MLF2: variants seen among roughly 807,000 people sequenced by gnomAD.
MLF2 encodes myeloid leukemia factor 2, also known as myelodysplasia-myeloid leukemia factor 2.
MLF2 carries 12 observed loss-of-function variants against 31.4 expected under a neutral mutation model. The observed-to-expected ratio is 0.38, with a 90% CI of 0.24 to 0.62. The LOEUF is 0.62. Among genes scored for constraint, MLF2 ranks in the 20% least tolerant of loss-of-function variants. The pLI is 0.58. For synonymous variants in MLF2, 109 were observed against 118.8 expected, an observed-to-expected ratio of 0.92 and a Z score of 0.54; for missense variants, 272 against 359.7, an observed-to-expected ratio of 0.76 and a Z score of 1.97.
In MLF2 at chr12:6,749,790, G is replaced by A. The variant is rs1160273627; in HGVS notation, c.559+58C>T. On this transcript the variant is annotated intron_variant, in intron 7 of 8. Coordinates refer to ENST00000203630, the MANE Select transcript of MLF2 (RefSeq NM_001382226.1). This position sits in a 1 kb window ranked among gnomAD's most constrained non-coding sequence, Gnocchi z 5.3. ...GCCCCAGAAGTGTCTATGTGTTAGG[G>A]ATGTCCACGGGAACCGGGTTAGGGG... 10 of 1,602,204 alleles carry A rather than the reference G, an allele frequency of 6.2e-6. No individual in the cohort carries two copies. The highest frequency in any genetic ancestry group is 7.7e-6 in the Non-Finnish European group (9 of 1,172,024).
chr12:6,750,660 T>C lies in MLF2; in HGVS notation c.270+53A>G. ...CTCTTGCCTTAGAGGATGCAAGGTG[T>C]TGTCAGCCATCACTGAGAGCAAGGC... is the stretch of plus-strand genomic sequence containing the variant. On this transcript the variant is annotated intron_variant, in intron 5 of 8. Coordinates refer to ENST00000203630, the MANE Select transcript of MLF2 (RefSeq NM_001382226.1). This position sits in a 1 kb window ranked among gnomAD's most constrained non-coding sequence, Gnocchi z 5.3. 6.4e-7 allele frequency: 1 copy of C among 1,559,988 alleles called. No individual in the cohort carries two copies. Among genetic ancestry groups the C allele is most frequent in the Non-Finnish European group, 8.8e-7 (1 of 1,131,230 alleles).
Position 6,748,807 on chromosome 12 carries a change from G to A in MLF2, c.735C>T (p.Arg245=), listed in dbSNP as rs1241580718. ...PEDSPSRQSR[R]YDW is the part of the protein sequence containing the mutation. Reference sequence around the variant, plus strand: ...GGGCCCGGGGCCCTCACCAGTCATAGCGGCGGGACTGTCGGGAAGGGGAGT... The same window carrying A: ...GGGCCCGGGGCCCTCACCAGTCATAACGGCGGGACTGTCGGGAAGGGGAGT... Residue 245 remains arginine, a synonymous_variant, in exon 8 of 9, where the codon CGC becomes CGT. Transcript: ENST00000203630. The surrounding 1 kb of genome is among the most constrained non-coding windows in gnomAD (Gnocchi z 4.6). The A allele has an allele frequency of 1.2e-5, 19 of 1,531,856 alleles. No individual in the cohort carries two copies. Among genetic ancestry groups the A allele is most frequent in the Non-Finnish European group, 1.3e-5 (15 of 1,147,942 alleles). 94.9% of individuals were successfully genotyped at this position (1,531,856 alleles called of 1,614,324 possible).
In MLF2 at chr12:6,749,934, C is replaced by T. The variant is rs1249761934; in HGVS notation, c.473G>A (p.Arg158Gln). 5 of 1,614,058 alleles carry T rather than the reference C, an allele frequency of 3.1e-6. No homozygotes were observed. Among genetic ancestry groups the T allele is most frequent in the East Asian group, 4.5e-5 (2 of 44,888 alleles). Reference sequence around the variant, plus strand: ...GCGCTGGAGGATGTGAGCCCTGTCCCGGATGTGATGCCCAATGGACATCTG... The same window carrying T: ...GCGCTGGAGGATGTGAGCCCTGTCCTGGATGTGATGCCCAATGGACATCTG... The part of the protein sequence containing the change: ...LEQMSIGHHI[R>Q]DRAHILQRSR... The change falls in exon 7 of 9, where the codon CGG (arginine) becomes CAG (glutamine). Residue 158 changes from arginine to glutamine, a missense_variant. Transcript: ENST00000203630. This position sits in a 1 kb window ranked among gnomAD's most constrained non-coding sequence, Gnocchi z 5.3.
chr12:6,749,720 T>G lies in MLF2; in HGVS notation c.559+128A>C. 1 of 1,132,954 alleles carries G rather than the reference T, an allele frequency of 8.8e-7. No individual in the cohort carries two copies. Among genetic ancestry groups the G allele is most frequent in the Non-Finnish European group, 1.2e-6 (1 of 803,028 alleles). The allele number at this position is 1,132,954 out of a possible 1,614,324, so 70.2% of individuals were successfully genotyped here. ...CCTGGGCAACAAGAGCGAGACTCCA[T>G]CTCAAAAAAAAAAAAAAAGGAATAT... On this transcript the variant is annotated intron_variant, in intron 7 of 8. Coordinates refer to ENST00000203630, the MANE Select transcript of MLF2 (RefSeq NM_001382226.1). This position sits in a 1 kb window ranked among gnomAD's most constrained non-coding sequence, Gnocchi z 5.3.
At position 6,749,157 on chromosome 12, in the gene MLF2, C is replaced by A. The variant is rs1174880205; in HGVS notation, c.560-175G>T. On this transcript the variant is annotated intron_variant, in intron 7 of 8. Transcript: ENST00000203630. The surrounding 1 kb of genome is among the most constrained non-coding windows in gnomAD (Gnocchi z 5.3). ...GTTTCTGCACGGTCCCAGGAAGCCACCGGTAGGCGTAAGGTGGCCTACTGG... is the reference window on the plus strand; with the variant it reads ...GTTTCTGCACGGTCCCAGGAAGCCAACGGTAGGCGTAAGGTGGCCTACTGG... Among the ~76,000 whole-genome samples the A allele has an allele frequency of 6.6e-6, 1 of 152,202 alleles. No individual in the cohort carries two copies. The highest frequency in any genetic ancestry group is 2.4e-5 in the African/African-American group (1 of 41,452).
Position 6,749,672 on chromosome 12 carries a change from G to A in MLF2, c.559+176C>T, listed in dbSNP as rs537578500. ...GGAGGTTGCAGTGAGCTGAGATCGC[G>A]CCACTGCACTCCAGCCTGGGCACCT... is the stretch of plus-strand genomic sequence containing the variant. On this transcript the variant is annotated intron_variant, in intron 7 of 8. Coordinates refer to ENST00000203630, the MANE Select transcript of MLF2 (RefSeq NM_001382226.1). This position sits in a 1 kb window ranked among gnomAD's most constrained non-coding sequence, Gnocchi z 5.3. The A allele has an allele frequency of 1.6e-5, 13 of 813,308 alleles. No individual in the cohort carries two copies. Among genetic ancestry groups the A allele is most frequent in the Middle Eastern group, 3.8e-4 (1 of 2,598 alleles). 50.4% of individuals were successfully genotyped at this position (813,308 alleles called of 1,614,324 possible).
chr12:6,751,903 A>T, intron 3 of MLF2, 22 bp downstream of exon 3: 1 of 1,613,458 alleles, frequency 6.2e-7, no homozygotes, highest in Non-Finnish European at 8.5e-7. Flanking sequence ...TTTGGGTCTC[A>T]GGTGTGTCTC....
Position 6,749,738 on chromosome 12 carries a change from A to AAAT in MLF2, c.559+109_559+110insATT. ...GACTCCATCTCAAAAAAAAAAAAAAAGGAATATGGGGCTGACCCAGAGCTT... is the reference window on the plus strand; with the variant it reads ...GACTCCATCTCAAAAAAAAAAAAAAAAATGGAATATGGGGCTGACCCAGAGCTT... On this transcript the variant is annotated intron_variant, in intron 7 of 8. Transcript: ENST00000203630. This position sits in a 1 kb window ranked among gnomAD's most constrained non-coding sequence, Gnocchi z 5.3. 20 of 1,327,066 alleles carry AAAT rather than the reference A, an allele frequency of 1.5e-5. No homozygotes were observed. Among genetic ancestry groups the AAAT allele is most frequent in the East Asian group, 2.4e-5 (1 of 42,312 alleles). 82.2% of individuals were successfully genotyped at this position (1,327,066 alleles called of 1,614,324 possible). A position where few individuals can be genotyped will look rare whatever the true frequency, so the allele number is the denominator to read the frequency against.
chr12:6,750,040 G>T lies in MLF2; in HGVS notation c.400-33C>A. The stretch of plus-strand genomic sequence containing the variant: ...GAGGCAGAACGTGGCACACTCAGCC[G>T]CCCCTTCCAAAGCCCTGCCTATACC... On this transcript the variant is annotated intron_variant, in intron 6 of 8. Transcript: ENST00000203630. The surrounding 1 kb of genome is among the most constrained non-coding windows in gnomAD (Gnocchi z 5.3). The T allele has an allele frequency of 6.2e-7, 1 of 1,613,036 alleles. No individual in the cohort carries two copies. The highest frequency in any genetic ancestry group is 8.5e-7 in the Non-Finnish European group (1 of 1,179,328).
rs11538007 is a variant in MLF2 at position 6,751,947 on chromosome 12, G to A, written c.158C>T (p.Pro53Leu). Residue 53 changes from proline to leucine, a missense_variant, in exon 3 of 9, where the codon CCT becomes CTT. Pro to Leu is a moderately conservative substitution (Grantham distance 98). Transcript: ENST00000203630. ...TACCTGCTGCATCCGGCGGCTGGCA[G>A]GCCTGGTCCCTGGCATGTTGCCATC... The part of the protein sequence containing the change: ...ITDGNMPGTR[P>L]ASRRMQQAGA... The A allele has an allele frequency of 1.2e-5, 20 of 1,614,086 alleles. No individual in the cohort carries two copies. The highest frequency in any genetic ancestry group is 1.5e-5 in the Non-Finnish European group (18 of 1,180,056).
At position 6,752,352 on chromosome 12, in the gene MLF2, G is replaced by C; in HGVS notation, c.-18C>G. 6.4e-7 allele frequency: 1 copy of C among 1,556,136 alleles called. No homozygotes were observed. The highest frequency in any genetic ancestry group is 8.7e-7 in the Non-Finnish European group (1 of 1,149,146). ...CGGAACATCCTGATCTCAGCTCCAG[G>C]GGGCTCCACACTGGAAAGATATGGA... On this transcript the variant is annotated 5_prime_UTR_variant, in exon 2 of 9. Transcript: ENST00000203630. The surrounding 1 kb of genome is among the most constrained non-coding windows in gnomAD (Gnocchi z 4.6).
Position 6,750,430 on chromosome 12 carries a change from T to G in MLF2, c.271-125A>C. 2 of 1,302,442 alleles carry G rather than the reference T, an allele frequency of 1.5e-6. No homozygotes were observed. Among genetic ancestry groups the G allele is most frequent in the South Asian group, 2.9e-5 (2 of 70,030 alleles). The allele number at this position is 1,302,442 out of a possible 1,614,324, so 80.7% of individuals were successfully genotyped here. A position where few individuals can be genotyped will look rare whatever the true frequency, so the allele number is the denominator to read the frequency against. On this transcript the variant is annotated intron_variant, in intron 5 of 8. Transcript: ENST00000203630. The surrounding 1 kb of genome is among the most constrained non-coding windows in gnomAD (Gnocchi z 5.3). ...ACAAAATGCAAGAACTGAAAAAACA[T>G]CAGGCCTCATCATTACCCTCCCAAA...
chr12:6,750,117 G>A lies in MLF2; in HGVS notation c.399+60C>T. On this transcript the variant is annotated intron_variant, in intron 6 of 8. Transcript: ENST00000203630. The surrounding 1 kb of genome is among the most constrained non-coding windows in gnomAD (Gnocchi z 5.3). ...ACCCAATCCGGAAAAAAGCAGCCAG[G>A]GTTTCTGGCGGTGCCGCTCAATCCT... The A allele has an allele frequency of 6.2e-7, 1 of 1,612,868 alleles. No homozygotes were observed. Among genetic ancestry groups the A allele is most frequent in the Non-Finnish European group, 8.5e-7 (1 of 1,179,156 alleles).
chr12:6,748,576 G>A lies in MLF2; in HGVS notation c.*26-29C>T, dbSNP rs569668901. ...GAGGGGGAAAGAGAGAGGAGCACAA[G>A]TCAAAAGGAAGAAAAAACTTACGTT... On this transcript the variant is annotated intron_variant, in intron 8 of 8. Coordinates refer to ENST00000203630, the MANE Select transcript of MLF2 (RefSeq NM_001382226.1). This position sits in a 1 kb window ranked among gnomAD's most constrained non-coding sequence, Gnocchi z 4.6. The A allele has an allele frequency of 2.2e-6, 1 of 458,968 alleles. No homozygotes were observed. Among genetic ancestry groups the A allele is most frequent in the East Asian group, 3.6e-5 (1 of 27,732 alleles). The allele number at this position is 458,968 out of a possible 1,614,324, so 28.4% of individuals were successfully genotyped here.
At chr12:6,751,194 G>C in intron 4 of MLF2, 2 of 256,156 alleles carry the variant, frequency 7.8e-6, no homozygotes, top group South Asian at 9.5e-5. Context: ...TGAACTTCTA[G>C]GAGTACAACA....
chr12:6,748,463 C>T lies in MLF2; in HGVS notation c.*110G>A, dbSNP rs530301887. The T allele has an allele frequency of 8.8e-6, 2 of 227,720 alleles. No individual in the cohort carries two copies. The highest frequency in any genetic ancestry group is 1.5e-4 in the South Asian group (1 of 6,492). 14.1% of individuals were successfully genotyped at this position (227,720 alleles called of 1,614,324 possible). On this transcript the variant is annotated 3_prime_UTR_variant, in exon 9 of 9. Coordinates refer to ENST00000203630, the MANE Select transcript of MLF2 (RefSeq NM_001382226.1). The surrounding 1 kb of genome is among the most constrained non-coding windows in gnomAD (Gnocchi z 4.6). The stretch of plus-strand genomic sequence containing the variant: ...CCAGGGAGAGGTGGGGGCCGGCTTG[C>T]CTGTTAATTTAATATTAAATTGGGG...
In MLF2 at chr12:6,749,343, A is replaced by G. The variant is rs1341505596; in HGVS notation, c.560-361T>C. On this transcript the variant is annotated intron_variant, in intron 7 of 8. Transcript: ENST00000203630. This position sits in a 1 kb window ranked among gnomAD's most constrained non-coding sequence, Gnocchi z 5.3. ...ACTATCAATACGGAACTTCAGGGAC[A>G]AAGTAGGCCCCTCACAAAGACACCG... Among the ~76,000 whole-genome samples the G allele has an allele frequency of 1.3e-5, 2 of 152,274 alleles. No individual in the cohort carries two copies. Among genetic ancestry groups the G allele is most frequent in the African/African-American group, 4.8e-5 (2 of 41,472 alleles).
chr12:6,748,791 GC>G lies in MLF2; in HGVS notation c.*3del. ...TTACAAGAGAGGCTGAGGGCCCGGGGCCCTCACCAGTCATAGCGGCGGGACT... is the reference window on the plus strand; with the variant it reads ...TTACAAGAGAGGCTGAGGGCCCGGGGCCTCACCAGTCATAGCGGCGGGACT... On this transcript the variant is annotated 3_prime_UTR_variant, in exon 8 of 9. Coordinates refer to ENST00000203630, the MANE Select transcript of MLF2 (RefSeq NM_001382226.1). This position sits in a 1 kb window ranked among gnomAD's most constrained non-coding sequence, Gnocchi z 4.6. The G allele has an allele frequency of 6.6e-7, 1 of 1,526,032 alleles. No homozygotes were observed. The highest frequency in any genetic ancestry group is 8.7e-7 in the Non-Finnish European group (1 of 1,145,436). The allele number at this position is 1,526,032 out of a possible 1,614,324, so 94.5% of individuals were successfully genotyped here.
At position 6,749,076 on chromosome 12, in the gene MLF2, G is replaced by A. The variant is rs1005296476; in HGVS notation, c.560-94C>T. The A allele has an allele frequency of 5.2e-5, 70 of 1,343,794 alleles. No individual in the cohort carries two copies. The highest frequency in any genetic ancestry group is 5.4e-5 in the Non-Finnish European group (54 of 1,008,282). The allele number at this position is 1,343,794 out of a possible 1,614,324, so 83.2% of individuals were successfully genotyped here. ...CCACAGCTTTTCGGGCCAAAGCGGC[G>A]AAGGCTGAGTGTGCGTGCAGGGATG... is the stretch of plus-strand genomic sequence containing the variant. On this transcript the variant is annotated intron_variant, in intron 7 of 8. Transcript: ENST00000203630. The surrounding 1 kb of genome is among the most constrained non-coding windows in gnomAD (Gnocchi z 5.3).
Sources: allele counts gnomAD v4.1 joint callset (sites outside exome capture counted in the v4.1 genomes callset), GRCh38; gene constraint gnomAD v4.1.1; non-coding constraint Gnocchi (gnomAD v3.1); transcripts MANE v1.5; gene names NCBI Gene and HGNC (gene_info 2026-07-23, HGNC 2026-07-21).